The following GTF2F2 variants were observed in gnomAD, a reference collection of about 807,000 sequenced individuals.
GTF2F2 encodes the protein ATP-dependent helicase GTF2F2.
A neutral mutation model predicts 42.2 loss-of-function variants in GTF2F2; 23 were observed. The ratio of observed to expected loss-of-function variants is 0.55; its 90% confidence interval spans 0.39 to 0.77. GTF2F2 has a LOEUF of 0.77. Among genes scored for constraint, GTF2F2 ranks in the 30% least tolerant of loss-of-function variants. The pLI is 0.00. For synonymous variants in GTF2F2, 105 were observed against 100.8 expected (o/e 1.04, Z -0.25); for missense variants, 261 against 287.2 (o/e 0.91, Z 0.66).
intron 5 of GTF2F2, among the ~76,000 whole-genome samples, chr13:45,245,781 A>G (rs889450751): frequency 1.4e-5 from 2 of 146,540 alleles, no homozygotes; most frequent in African/African-American, 4.9e-5. Flanking sequence ...ATCTACTAAA[A>G]ATACAAAAAA....
chr13:45,179,999 A>G (rs1872071202), intron 4 of GTF2F2, among the ~76,000 whole-genome samples: 1 of 152,096 alleles, frequency 6.6e-6, no homozygotes, highest in Non-Finnish European at 1.5e-5. Context: ...TGGAGTCATT[A>G]TATTATCTTT....
In GTF2F2 at chr13:45,123,302, C is replaced by G. The variant is rs4942397; in HGVS notation, c.66+2581C>G. 9.3e-3 allele frequency: 1,409 copies of G among 152,234 alleles called. 50 individuals carry two copies. The highest frequency in any genetic ancestry group is 0.078 in the East Asian group (402 of 5,184). The allele number at this position is 152,234 out of a possible 1,614,324, so 9.4% of individuals were successfully genotyped here. ...AAGGGTATATGTATGGTTGTACTCC[C>G]CTGCTAGAACCTCCAAAGAAGCTTT... On this transcript the variant is annotated intron_variant, in intron 1 of 7. Transcript: ENST00000340473.
intron 2 of GTF2F2, among the ~76,000 whole-genome samples, chr13:45,146,986 A>C (rs1026407452): frequency 6.6e-6 from 1 of 152,238 alleles, no homozygotes; most frequent in African/African-American, 2.4e-5. Flanking sequence ...AATAAGTTTT[A>C]AGTCTTCAAG....
At chr13:45,222,345 T>C (rs1874153627) in intron 5 of GTF2F2, among the ~76,000 whole-genome samples, 1 of 152,094 alleles carries the variant, frequency 6.6e-6, no homozygotes, top group African/African-American at 2.4e-5. Flanking sequence ...GGGATTTTGT[T>C]TATTTGGGAA....
intron 1 of GTF2F2, among the ~76,000 whole-genome samples, chr13:45,125,493 T>A (rs958158305): frequency 2.0e-5 from 3 of 152,086 alleles, no homozygotes; most frequent in Non-Finnish European, 2.9e-5. Context: ...CTAATTTTTG[T>A]ATTTTTAGTA....
At chr13:45,282,275 T>C (rs985697705) in intron 7 of GTF2F2, among the ~76,000 whole-genome samples, 6 of 152,076 alleles carry the variant, frequency 3.9e-5, no homozygotes, top group Non-Finnish European at 8.8e-5. Flanking sequence ...TAATTTATAT[T>C]GGTCAGCTTA....
intron 4 of GTF2F2, among the ~76,000 whole-genome samples, chr13:45,202,084 T>C (rs1193520895): frequency 6.6e-6 from 1 of 151,828 alleles, no homozygotes; most frequent in Admixed American, 6.6e-5. Context: ...CAATCATTGC[T>C]TATTCTTCAA....
At chr13:45,168,154 CT>C (rs1463781766) in intron 4 of GTF2F2, among the ~76,000 whole-genome samples, 1 of 152,190 alleles carries the variant, frequency 6.6e-6, no homozygotes, top group African/African-American at 2.4e-5. Flanking sequence ...TAGGTGAAGG[CT>C]GATGTGTCTT....
intron 4 of GTF2F2, among the ~76,000 whole-genome samples, chr13:45,175,488 T>G (rs1871830020): frequency 1.3e-5 from 2 of 152,238 alleles, no homozygotes; most frequent in East Asian, 3.8e-4. Flanking sequence ...ATGGTTGTTC[T>G]GTTTTTTAGT....
At chr13:45,158,802 A>C (rs891454008) in intron 4 of GTF2F2, among the ~76,000 whole-genome samples, 1 of 152,218 alleles carries the variant, frequency 6.6e-6, no homozygotes, top group African/African-American at 2.4e-5. Flanking sequence ...TTGAGCACAG[A>C]GTGATGGGTT....
intron 2 of GTF2F2, among the ~76,000 whole-genome samples, chr13:45,142,380 C>T (rs908105179): frequency 2.7e-4 from 41 of 152,264 alleles, no homozygotes; most frequent in African/African-American, 9.6e-4. Context: ...GTTGGCCAGG[C>T]TGGTCTTGAA....
In GTF2F2 at chr13:45,252,868, C is replaced by T. The variant is rs1453783275; in HGVS notation, c.387-3C>T. ...GTTAATAATGCCTTATATTTTTTTT[C>T]AGATTGCAAATAGAAGAGTCTTCCA... On this transcript the variant is annotated splice_polypyrimidine_tract_variant and splice_region_variant and intron_variant, in intron 5 of 7. Transcript: ENST00000340473. 3 of 1,338,894 alleles carry T rather than the reference C, an allele frequency of 2.2e-6. No individual in the cohort carries two copies. Among genetic ancestry groups the T allele is most frequent in the Non-Finnish European group, 3.1e-6 (3 of 981,046 alleles). 82.9% of individuals were successfully genotyped at this position (1,338,894 alleles called of 1,614,324 possible).
At chr13:45,152,522 A>T (rs1019850515) in intron 4 of GTF2F2, among the ~76,000 whole-genome samples, 5 of 152,240 alleles carry the variant, frequency 3.3e-5, no homozygotes, top group Admixed American at 3.3e-4. Flanking sequence ...AGTTGTACTT[A>T]AAAAATACAG....
chr13:45,176,015 T>C (rs542293228), intron 4 of GTF2F2, among the ~76,000 whole-genome samples: 5 of 152,364 alleles, frequency 3.3e-5, no homozygotes, highest in African/African-American at 1.2e-4. Flanking sequence ...AGTACTGTTT[T>C]CTAAGACTGA....
chr13:45,164,139 G>C (rs1871157861), intron 4 of GTF2F2, among the ~76,000 whole-genome samples: 1 of 152,148 alleles, frequency 6.6e-6, no homozygotes, highest in Admixed American at 6.5e-5. Context: ...AATTAGTCCA[G>C]CGTGGTGGCA....
intron 2 of GTF2F2, among the ~76,000 whole-genome samples, chr13:45,147,853 C>T (rs538203758): frequency 1.5e-3 from 227 of 152,290 alleles, no homozygotes; most frequent in Non-Finnish European, 2.6e-3. Flanking sequence ...CCCATGTTTT[C>T]GACTTCATCC....
At chr13:45,146,571 G>T (rs1213033259) in intron 2 of GTF2F2, among the ~76,000 whole-genome samples, 1 of 152,178 alleles carries the variant, frequency 6.6e-6, no homozygotes, top group Non-Finnish European at 1.5e-5. Flanking sequence ...CCTGGAAAAG[G>T]TGTTGCTTAT....
chr13:45,223,258 T>G (rs1365286308), intron 5 of GTF2F2, among the ~76,000 whole-genome samples: 1 of 47,402 alleles, frequency 2.1e-5, no homozygotes, highest in African/African-American at 1.5e-4. Flanking sequence ...AGACCTTGTC[T>G]CAATAAAAAA....
intron 5 of GTF2F2, among the ~76,000 whole-genome samples, chr13:45,234,216 T>C (rs1267843007): frequency 6.6e-6 from 1 of 152,206 alleles, no homozygotes; most frequent in African/African-American, 2.4e-5. Context: ...TTTGGTCCTA[T>C]AATAATAGTC....
Sources: allele counts gnomAD v4.1 joint callset (sites outside exome capture counted in the v4.1 genomes callset), GRCh38; gene constraint gnomAD v4.1.1; transcripts MANE v1.5; gene names NCBI Gene and HGNC (gene_info 2026-07-23, HGNC 2026-07-21).